The following MALRD1 variants were observed in gnomAD, a reference collection of about 807,000 sequenced individuals.
The protein encoded by MALRD1 is MAM and LDL-receptor class A domain-containing protein 1.
Under a neutral mutation model 242.1 loss-of-function variants are expected in MALRD1, and 247 were observed. That is an observed-to-expected ratio of 1.02 (90% confidence interval 0.92 to 1.13). MALRD1 has a LOEUF of 1.13. Ranked by LOEUF, MALRD1 falls within the 50% of genes most tolerant of loss-of-function variation. The pLI is 0.00. For synonymous variants in MALRD1, 995 were observed against 866.6 expected (o/e 1.15, Z -2.60); for missense variants, 2,989 against 2,533.1 (o/e 1.18, Z -3.86).
intron 2 of MALRD1, 100 bp downstream of exon 2, chr10:19,066,959 C>G (rs1429979553): frequency 9.5e-6 from 8 of 841,580 alleles, no homozygotes; most frequent in Non-Finnish European, 1.3e-5. Flanking sequence ...TTCTTCCGTT[C>G]CCCACCACAT....
intron 33 of MALRD1, among the ~76,000 whole-genome samples, chr10:19,575,019 T>C (rs901013923): frequency 5.9e-5 from 9 of 152,236 alleles, no homozygotes; most frequent in African/African-American, 2.2e-4. Context: ...CAGGTAGGAA[T>C]GTAGTAGTGT....
chr10:19,656,849 G>C (rs1841177441), intron 36 of MALRD1, among the ~76,000 whole-genome samples: 1 of 152,118 alleles, frequency 6.6e-6, no homozygotes, highest in Non-Finnish European at 1.5e-5. Flanking sequence ...GACACACACA[G>C]TGTCATTTGC....
intron 28 of MALRD1, among the ~76,000 whole-genome samples, chr10:19,414,276 C>T (rs1229903948): frequency 1.3e-5 from 2 of 152,098 alleles, no homozygotes; most frequent in Admixed American, 1.3e-4. Flanking sequence ...TCAGGTGCAA[C>T]TTAAAATTAT....
Position 19,373,203 on chromosome 10 carries a change from C to CAAAAAAAAAAAAAAAAAAAAAAAAAAAAA in MALRD1, c.4442-14308_4442-14307insAAAAAAAAAAAAAAAAAAAAAAAAAAAAA, listed in dbSNP as rs374095193. On this transcript the variant is annotated intron_variant, in intron 26 of 39. Coordinates refer to ENST00000454679, the MANE Select transcript of MALRD1 (RefSeq NM_001142308.3). ...CTTGCATTTCAGCAAACGCTAAATA[C>CAAAAAAAAAAAAAAAAAAAAAAAAAAAAA]AAAAAAAAAAAAAAAAATAAGGGGC... is the stretch of plus-strand genomic sequence containing the variant. Among the ~76,000 whole-genome samples, 64 of 114,856 alleles carry CAAAAAAAAAAAAAAAAAAAAAAAAAAAAA rather than the reference C, an allele frequency of 5.6e-4. 1 individual carries two copies. The highest frequency in any genetic ancestry group is 1.9e-3 in the African/African-American group (55 of 29,218). The allele number at this position is 114,856 out of a possible 152,430, so 75.3% of individuals were successfully genotyped here.
At chr10:19,716,285 G>A (rs1358404346) in intron 38 of MALRD1, among the ~76,000 whole-genome samples, 1 of 152,156 alleles carries the variant, frequency 6.6e-6, no homozygotes, top group Non-Finnish European at 1.5e-5. Context: ...GGAGCCTGCT[G>A]GGAGGTGATT....
chr10:19,400,735 G>T (rs1179039583), intron 28 of MALRD1, among the ~76,000 whole-genome samples: 6 of 152,144 alleles, frequency 3.9e-5, no homozygotes, highest in Non-Finnish European at 8.8e-5. Context: ...GAAGAAAGAG[G>T]CCAGGTGTGG....
At chr10:19,248,245 C>T (rs1312173863) in intron 18 of MALRD1, among the ~76,000 whole-genome samples, 1 of 151,766 alleles carries the variant, frequency 6.6e-6, no homozygotes, top group Non-Finnish European at 1.5e-5. Context: ...CTAACAGTTT[C>T]AAAAGCAGGT....
intron 14 of MALRD1, among the ~76,000 whole-genome samples, chr10:19,187,576 G>A (rs997649368): frequency 6.6e-6 from 1 of 152,096 alleles, no homozygotes; most frequent in Non-Finnish European, 1.5e-5. Context: ...AACAATTATA[G>A]GATAATAAGG....
intron 38 of MALRD1, among the ~76,000 whole-genome samples, chr10:19,714,211 A>G (rs1019763423): frequency 1.3e-5 from 2 of 152,042 alleles, no homozygotes; most frequent in Admixed American, 6.5e-5. Flanking sequence ...GGCTTGGAGG[A>G]TGGCTGCAAG....
chr10:19,493,618 G>T (rs190960981), intron 30 of MALRD1, among the ~76,000 whole-genome samples: 1 of 149,912 alleles, frequency 6.7e-6, no homozygotes, highest in Non-Finnish European at 1.5e-5. Flanking sequence ...GACCAGCCTG[G>T]CCAACATGGT....
intron 5 of MALRD1, among the ~76,000 whole-genome samples, chr10:19,107,634 T>C (rs1024923123): frequency 6.6e-6 from 1 of 151,798 alleles, no homozygotes; most frequent in African/African-American, 2.4e-5. Flanking sequence ...ACATTTAATG[T>C]TATTATTAAC....
chr10:19,586,099 G>C (rs1203765274), intron 33 of MALRD1, among the ~76,000 whole-genome samples: 2 of 152,022 alleles, frequency 1.3e-5, no homozygotes, highest in East Asian at 1.9e-4. Flanking sequence ...GCACTTCTCT[G>C]TATTGGTTAT....
intron 26 of MALRD1, among the ~76,000 whole-genome samples, chr10:19,386,687 T>C (rs1846089621): frequency 6.9e-6 from 1 of 145,482 alleles, no homozygotes; most frequent in South Asian, 2.2e-4. Context: ...ACTGGTGAGA[T>C]AGATATATAT....
chr10:19,175,063 A>G (rs1033407561), intron 13 of MALRD1, 145 bp from the exon 14 acceptor site: 8 of 462,320 alleles, frequency 1.7e-5, no homozygotes, highest in Non-Finnish European at 2.7e-5. Flanking sequence ...AATTTAAATT[A>G]GGATGTTCTG....
chr10:19,283,697 T>G (rs1247086305), intron 21 of MALRD1, among the ~76,000 whole-genome samples: 1 of 152,226 alleles, frequency 6.6e-6, no homozygotes, highest in African/African-American at 2.4e-5. Flanking sequence ...CACTTCTCAA[T>G]AAATCATGCC....
chr10:19,531,239 A>T lies in MALRD1; in HGVS notation c.5366A>T (p.Glu1789Val). The change falls in exon 32 of 40, where the codon GAA becomes GTA. Residue 1789 changes from glutamate to valine, a missense_variant. Coordinates refer to ENST00000454679, the MANE Select transcript of MALRD1 (RefSeq NM_001142308.3). ...FLYVNSSGSK[E>V]GSVARITTSK... ...TACGTCAACTCATCTGGCTCCAAGG[A>T]AGGATCCGTTGCCAGAATTACTACT... is the stretch of plus-strand genomic sequence containing the variant. The T allele has an allele frequency of 6.4e-7, 1 of 1,550,442 alleles. No homozygotes were observed. The highest frequency in any genetic ancestry group is 8.7e-7 in the Non-Finnish European group (1 of 1,146,888).
At chr10:19,234,260 A>G (rs576030010) in intron 18 of MALRD1, among the ~76,000 whole-genome samples, 2 of 152,222 alleles carry the variant, frequency 1.3e-5, no homozygotes, top group East Asian at 1.9e-4. Flanking sequence ...GTTGAACTCT[A>G]TAAGGTCACA....
At chr10:19,333,337 C>T (rs572758758) in intron 24 of MALRD1, among the ~76,000 whole-genome samples, 7 of 152,116 alleles carry the variant, frequency 4.6e-5, no homozygotes, top group African/African-American at 1.7e-4. Context: ...TTATTGTTCC[C>T]ATGTTTATGT....
chr10:19,581,546 A>G (rs1204627533), intron 33 of MALRD1, among the ~76,000 whole-genome samples: 1 of 150,752 alleles, frequency 6.6e-6, no homozygotes, highest in Non-Finnish European at 1.5e-5. Context: ...AAAGGACATG[A>G]ACTCATCATT....
Sources: allele counts gnomAD v4.1 joint callset (sites outside exome capture counted in the v4.1 genomes callset), GRCh38; gene constraint gnomAD v4.1.1; transcripts MANE v1.5; gene names NCBI Gene and HGNC (gene_info 2026-07-23, HGNC 2026-07-21).